The following EVI5 variants were observed in gnomAD, a reference collection of about 807,000 sequenced individuals.
EVI5 encodes ecotropic viral integration site 5.
EVI5 carries 73 observed loss-of-function variants against 112.0 expected under a neutral mutation model. That is an observed-to-expected ratio of 0.65 (90% CI 0.54 to 0.79). The LOEUF is 0.79. Ranked by LOEUF, EVI5 falls within the 30% of genes least tolerant of loss-of-function variation. EVI5 has a pLI of 0.00. For synonymous variants in EVI5, 305 were observed against 319.9 expected (o/e 0.95, Z 0.50); for missense variants, 900 against 968.8 (o/e 0.93, Z 0.94).
intron 18 of EVI5, among the ~76,000 whole-genome samples, chr1:92,576,690 G>T (rs1467476390): frequency 6.6e-6 from 1 of 152,144 alleles, no homozygotes; most frequent in Non-Finnish European, 1.5e-5. Flanking sequence ...TGTAGTTTAA[G>T]ACATCTGACA....
chr1:92,587,328 T>A (rs1672963942), intron 18 of EVI5, among the ~76,000 whole-genome samples: 2 of 147,348 alleles, frequency 1.4e-5, no homozygotes, highest in Admixed American at 6.8e-5. Context: ...AAATGAAAAA[T>A]ATTTTAATAT....
chr1:92,533,064 A>G (rs1156229942), intron 19 of EVI5, among the ~76,000 whole-genome samples: 2 of 152,006 alleles, frequency 1.3e-5, no homozygotes, highest in Non-Finnish European at 2.9e-5. Flanking sequence ...AGAAGAAAAG[A>G]AAGAAGAATC....
At chr1:92,768,079 CAA>C (rs11449365) in intron 1 of EVI5, among the ~76,000 whole-genome samples, 5 of 135,064 alleles carry the variant, frequency 3.7e-5, no homozygotes, top group Non-Finnish European at 6.2e-5. Context: ...GACCCTATCT[CAA>C]AAAAAAAAAA....
At chr1:92,567,096 G>A (rs1669614107) in intron 18 of EVI5, among the ~76,000 whole-genome samples, 1 of 152,090 alleles carries the variant, frequency 6.6e-6, no homozygotes, top group Admixed American at 6.5e-5. Context: ...ACAGGCGTGA[G>A]CCACCACGCT....
intron 18 of EVI5, among the ~76,000 whole-genome samples, chr1:92,590,362 C>G (rs1557853108): frequency 6.6e-6 from 1 of 152,008 alleles, no homozygotes; most frequent in Non-Finnish European, 1.5e-5. Flanking sequence ...AGTTAAAGAC[C>G]TTGAAAAAAG....
chr1:92,734,313 G>C (rs1277323747), intron 2 of EVI5, among the ~76,000 whole-genome samples: 7 of 152,130 alleles, frequency 4.6e-5, no homozygotes, highest in African/African-American at 1.7e-4. Context: ...AGAAAGATGG[G>C]ATAGCTCAAC....
At chr1:92,623,267 CTT>C (rs1447545707) in intron 16 of EVI5, among the ~76,000 whole-genome samples, 2 of 151,902 alleles carry the variant, frequency 1.3e-5, no homozygotes, top group African/African-American at 4.8e-5. Flanking sequence ...AAGAAAATAA[CTT>C]TGAACAATGT....
Position 92,695,708 on chromosome 1 carries a change from ATT to A in EVI5, c.766-257_766-256del, listed in dbSNP as rs1416032634. ...AAAAGAAACTGAATAAAAGTTTTATATTTGTTTAATCCTGTTGGTGGATACAA... is the reference window on the plus strand; with the variant it reads ...AAAAGAAACTGAATAAAAGTTTTATATGTTTAATCCTGTTGGTGGATACAA... On this transcript the variant is annotated intron_variant, in intron 6 of 19. Coordinates refer to ENST00000684568, the MANE Select transcript of EVI5 (RefSeq NM_001350197.2). Among the ~76,000 whole-genome samples, 6 of 152,242 alleles carry A rather than the reference ATT, an allele frequency of 3.9e-5. No homozygotes were observed. The East Asian group carries it at 1.2e-3, about 29-fold the overall frequency.
intron 9 of EVI5, among the ~76,000 whole-genome samples, chr1:92,679,936 C>G (rs1667333461): frequency 6.6e-6 from 1 of 152,114 alleles, no homozygotes; most frequent in Non-Finnish European, 1.5e-5. Flanking sequence ...TGATGTTGAC[C>G]TTGATCATCT....
intron 16 of EVI5, among the ~76,000 whole-genome samples, chr1:92,618,098 G>C (rs994734140): frequency 6.6e-6 from 1 of 152,132 alleles, no homozygotes; most frequent in African/African-American, 2.4e-5. Flanking sequence ...ACTTTGCAGG[G>C]CTGGGGCAAA....
chr1:92,574,477 A>G (rs1485528220), intron 18 of EVI5, among the ~76,000 whole-genome samples: 1 of 152,150 alleles, frequency 6.6e-6, no homozygotes, highest in Non-Finnish European at 1.5e-5. Context: ...TACAGTTCTA[A>G]GTAGCATGGT....
chr1:92,617,717 A>G (rs2095266), intron 16 of EVI5, among the ~76,000 whole-genome samples: 140,279 of 152,262 alleles, frequency 0.92, 64,708 homozygotes, highest in East Asian at 0.97. Flanking sequence ...ACCATTCCTC[A>G]CGGTGATCAG....
chr1:92,736,755 A>G, intron 1 of EVI5, 128 bp from the exon 2 acceptor site: 1 of 694,206 alleles, frequency 1.4e-6, no homozygotes. Context: ...GTAAAGGTAA[A>G]ACCTGTTTTA....
chr1:92,673,451 G>C (rs1177104792), intron 10 of EVI5, among the ~76,000 whole-genome samples: 1 of 151,852 alleles, frequency 6.6e-6, no homozygotes, highest in Non-Finnish European at 1.5e-5. Flanking sequence ...CCTTTTTAAA[G>C]ATTTGTGGGT....
At chr1:92,774,914 A>G (rs906850489) in intron 1 of EVI5, among the ~76,000 whole-genome samples, 2 of 152,218 alleles carry the variant, frequency 1.3e-5, no homozygotes, top group African/African-American at 4.8e-5. Flanking sequence ...ATGAGATGAC[A>G]CTTTGCAAGC....
chr1:92,568,990 G>A (rs1571600828), intron 18 of EVI5, among the ~76,000 whole-genome samples: 1 of 152,294 alleles, frequency 6.6e-6, no homozygotes, highest in East Asian at 1.9e-4. Context: ...ACTGTGCAGG[G>A]ATCAGCACCC....
intron 1 of EVI5, chr1:92,755,764 G>A (rs1241984150): frequency 6.5e-6 from 1 of 152,678 alleles, no homozygotes; most frequent in African/African-American, 2.4e-5. Flanking sequence ...AGGGCCTCGG[G>A]GCGGGACTGT....
At chr1:92,701,324 C>G (rs1671119731) in intron 5 of EVI5, among the ~76,000 whole-genome samples, 10 of 152,192 alleles carry the variant, frequency 6.6e-5, no homozygotes, top group Admixed American at 6.5e-4. Flanking sequence ...TAGGCTTCTA[C>G]ATACATTACC....
At chr1:92,551,874 T>C (rs1219761036) in intron 19 of EVI5, among the ~76,000 whole-genome samples, 1 of 152,230 alleles carries the variant, frequency 6.6e-6, no homozygotes, top group African/African-American at 2.4e-5. Flanking sequence ...TTATTTTTCA[T>C]AAACACTTGA....
Sources: allele counts gnomAD v4.1 joint callset (sites outside exome capture counted in the v4.1 genomes callset), GRCh38; gene constraint gnomAD v4.1.1; transcripts MANE v1.5; gene names NCBI Gene and HGNC (gene_info 2026-07-23, HGNC 2026-07-21).